The following SHQ1 variants were observed in gnomAD, a reference collection of about 807,000 sequenced individuals.
The protein encoded by SHQ1 is protein SHQ1 homolog.
Under a neutral mutation model 53.8 loss-of-function variants are expected in SHQ1, and 49 were observed. The observed-to-expected ratio is 0.91, with a 90% CI of 0.72 to 1.16. The LOEUF is 1.16. SHQ1 is among the 50% of genes most tolerant of loss of function. SHQ1 has a pLI of 0.00. For missense variants in SHQ1, 738 were observed against 683.1 expected (o/e 1.08, Z -0.90); for synonymous variants, 243 against 251.0 (o/e 0.97, Z 0.30).
At chr3:72,838,501 CT>C (rs1469675187) in intron 4 of SHQ1, among the ~76,000 whole-genome samples, 8 of 151,942 alleles carry the variant, frequency 5.3e-5, no homozygotes, top group Non-Finnish European at 7.4e-5. Context: ...GGTTCATTTC[CT>C]TTTTTATTTT....
At chr3:72,729,522 A>G in the SHQ1 span, among the ~76,000 whole-genome samples, 1 of 152,228 alleles carries the variant, frequency 6.6e-6, no homozygotes, top group African/African-American at 2.4e-5. Flanking sequence ...AATAAAAGGC[A>G]TTGGCTCGAA....
the SHQ1 span, among the ~76,000 whole-genome samples, chr3:72,739,965 G>A: frequency 6.6e-6 from 1 of 152,162 alleles, no homozygotes; most frequent in Non-Finnish European, 1.5e-5. Flanking sequence ...TGGCCTTAGC[G>A]CAAACACTGG....
At chr3:72,845,233 T>C (rs547137210) in intron 1 of SHQ1, among the ~76,000 whole-genome samples, 78 of 152,236 alleles carry the variant, frequency 5.1e-4, no homozygotes, top group African/African-American at 1.8e-3. Flanking sequence ...CCTGTAATCC[T>C]AGCACTTTGG....
intron 9 of SHQ1, among the ~76,000 whole-genome samples, chr3:72,806,659 C>T (rs192821507): frequency 5.3e-5 from 8 of 152,306 alleles, no homozygotes; most frequent in Middle Eastern, 3.4e-3. Flanking sequence ...GATTTTCCAT[C>T]ATCTAATTCC....
intron 8 of SHQ1, among the ~76,000 whole-genome samples, chr3:72,814,253 C>A (rs566340339): frequency 6.6e-6 from 1 of 152,304 alleles, no homozygotes; most frequent in African/African-American, 2.4e-5. Flanking sequence ...CAACTACTTT[C>A]AACATATTAA....
At chr3:72,793,223 T>G (rs111532799) in intron 9 of SHQ1, 187 bp from the exon 10 acceptor site, 4 of 472,216 alleles carry the variant, frequency 8.5e-6, no homozygotes. Flanking sequence ...ACATACAATC[T>G]TTGGCCAGGC....
the SHQ1 span, among the ~76,000 whole-genome samples, chr3:72,737,157 A>G: frequency 2.3e-4 from 35 of 152,126 alleles, no homozygotes; most frequent in African/African-American, 8.2e-4. Flanking sequence ...GTGCATCTGT[A>G]GTCCTAGCTA....
the SHQ1 span, among the ~76,000 whole-genome samples, chr3:72,728,094 C>T: frequency 5.9e-5 from 9 of 152,174 alleles, no homozygotes; most frequent in Admixed American, 2.0e-4. Context: ...TGGCAACACA[C>T]GGTGAATGCT....
At chr3:72,739,546 G>A in the SHQ1 span, among the ~76,000 whole-genome samples, 1 of 152,200 alleles carries the variant, frequency 6.6e-6, no homozygotes, top group Admixed American at 6.5e-5. Context: ...CATCAGGCAA[G>A]CTACTCAACC....
chr3:72,752,553 A>C (rs1262055792), intron 10 of SHQ1, among the ~76,000 whole-genome samples: 1 of 151,878 alleles, frequency 6.6e-6, no homozygotes, highest in Non-Finnish European at 1.5e-5. Context: ...TTTGAGACAG[A>C]GTCTCACTGT....
chr3:72,813,975 TACTAAAA>T (rs763667814), intron 8 of SHQ1, among the ~76,000 whole-genome samples: 1 of 151,784 alleles, frequency 6.6e-6, no homozygotes, highest in Non-Finnish European at 1.5e-5. Flanking sequence ...ATTCAAAACT[TACTAAAA>T]ACACTAAACA....
intron 10 of SHQ1, chr3:72,773,292 A>G: frequency 1.6e-6 from 1 of 635,212 alleles, no homozygotes; most frequent in Non-Finnish European, 3.0e-6. Context: ...AGAAAGATAA[A>G]GAAAAATTGG....
intron 10 of SHQ1, among the ~76,000 whole-genome samples, chr3:72,758,334 T>G (rs747052003): frequency 3.3e-5 from 5 of 152,296 alleles, no homozygotes; most frequent in African/African-American, 4.8e-5. Flanking sequence ...ATTTAAACCA[T>G]ATCTAGTTTG....
chr3:72,798,440 G>A (rs144832937), intron 9 of SHQ1, among the ~76,000 whole-genome samples: 4 of 152,238 alleles, frequency 2.6e-5, no homozygotes, highest in African/African-American at 9.6e-5. Flanking sequence ...TTTTACTTCG[G>A]GGAAAGACTA....
intron 6 of SHQ1, among the ~76,000 whole-genome samples, chr3:72,822,031 T>C (rs1183427865): frequency 6.6e-6 from 1 of 152,208 alleles, no homozygotes; most frequent in East Asian, 1.9e-4. Context: ...TAATAATTTC[T>C]AACATTTACA....
Position 72,749,283 on chromosome 3 carries a change from A to G in SHQ1, c.*1001T>C, listed in dbSNP as rs1705316151. Reference sequence around the variant, plus strand: ...CATACGTCCACATGAAGACTTGTACACAAATGTTCATAACAGCTTTATTTA... The same window carrying G: ...CATACGTCCACATGAAGACTTGTACGCAAATGTTCATAACAGCTTTATTTA... On this transcript the variant is annotated 3_prime_UTR_variant, in exon 11 of 11. Coordinates refer to ENST00000325599, the MANE Select transcript of SHQ1 (RefSeq NM_018130.3). 8.9e-6 allele frequency: 2 copies of G among 224,148 alleles called. No homozygotes were observed. The highest frequency in any genetic ancestry group is 1.1e-4 in the Admixed American group (2 of 17,454). The allele number at this position is 224,148 out of a possible 1,614,324, so 13.9% of individuals were successfully genotyped here. A position where few individuals can be genotyped will look rare whatever the true frequency, so the allele number is the denominator to read the frequency against.
At chr3:72,792,012 A>G (rs1706454455) in intron 10 of SHQ1, among the ~76,000 whole-genome samples, 1 of 152,204 alleles carries the variant, frequency 6.6e-6, no homozygotes, top group African/African-American at 2.4e-5. Flanking sequence ...AATGGTAAAC[A>G]CTTTTAAAAA....
downstream of SHQ1, among the ~76,000 whole-genome samples, chr3:72,744,933 G>GT (rs906863925): frequency 1.2e-4 from 17 of 143,948 alleles, 2 homozygotes; most frequent in Admixed American, 7.1e-5. Context: ...TGGGGGGGGG[G>GT]GGTGGTTTCT....
chr3:72,817,096 A>G (rs1707341200), intron 7 of SHQ1, 134 bp downstream of exon 7: 2 of 900,742 alleles, frequency 2.2e-6, no homozygotes, highest in South Asian at 2.4e-5. Context: ...CACCACACAC[A>G]TGCAACTCTG....
Sources: gnomAD v4.1 joint callset for allele counts (sites outside exome capture counted in the v4.1 genomes callset) on GRCh38, gnomAD v4.1.1 for gene constraint, MANE v1.5 for transcripts, NCBI Gene and HGNC (gene_info 2026-07-23, HGNC 2026-07-21) for gene names.